The following MAP2K5 variants were observed in gnomAD, a reference collection of about 807,000 sequenced individuals.
The protein encoded by MAP2K5 is dual specificity mitogen-activated protein kinase kinase 5.
MAP2K5 carries 49 observed loss-of-function variants against 83.1 expected under a neutral mutation model. The observed-to-expected ratio is 0.59, with a 90% CI of 0.47 to 0.75. MAP2K5 has a LOEUF of 0.75. MAP2K5 is among the 30% of genes least tolerant of loss of function. MAP2K5 has a pLI of 0.00. For missense variants in MAP2K5, 457 were observed against 557.5 expected, an observed-to-expected ratio of 0.82 and a Z score of 1.82; for synonymous variants, 202 against 191.8, an observed-to-expected ratio of 1.05 and a Z score of -0.44.
chr15:67,789,353 C>G (rs1049299488), intron 21 of MAP2K5, among the ~76,000 whole-genome samples: 1 of 152,018 alleles, frequency 6.6e-6, no homozygotes, highest in East Asian at 1.9e-4. Context: ...AGAATGTTAG[C>G]TCTTCTTCTT....
chr15:67,620,876 A>G (rs2086165527), intron 8 of MAP2K5, among the ~76,000 whole-genome samples: 1 of 152,220 alleles, frequency 6.6e-6, no homozygotes, highest in African/African-American at 2.4e-5. Context: ...TAAAGGGAGA[A>G]TAATTCAGTA....
At chr15:67,605,230 A>G (rs1041748079) in intron 8 of MAP2K5, among the ~76,000 whole-genome samples, 10 of 151,598 alleles carry the variant, frequency 6.6e-5, no homozygotes, top group Admixed American at 4.6e-4. Context: ...AATTTTCTGT[A>G]TTTTAGTAGG....
intron 19 of MAP2K5, among the ~76,000 whole-genome samples, chr15:67,754,341 A>T (rs1038566116): frequency 1.3e-5 from 2 of 152,338 alleles, no homozygotes; most frequent in South Asian, 4.1e-4. Flanking sequence ...GCTGGATAGG[A>T]TGGGCTTCAG....
rs1351245629 is a variant in MAP2K5, at chr15:67,668,776, C to T, written c.847+4131C>T. ...ATTTAGATTAAGAAAATAAAATTGG[C>T]AATCATTCTGGGGCCATCTTACACA... On this transcript the variant is annotated intron_variant, in intron 13 of 21. Coordinates refer to ENST00000178640, the MANE Select transcript of MAP2K5 (RefSeq NM_145160.3). The surrounding 1 kb of genome is among the most constrained non-coding windows in gnomAD (Gnocchi z 4.0). Among the ~76,000 whole-genome samples the T allele has an allele frequency of 6.6e-6, 1 of 151,698 alleles. No individual in the cohort carries two copies. The highest frequency in any genetic ancestry group is 1.5e-5 in the Non-Finnish European group (1 of 67,950).
rs1260834546 is a variant in MAP2K5, at chr15:67,719,870, C to CT, written c.1045-8043dup. On this transcript the variant is annotated intron_variant, in intron 16 of 21. Transcript: ENST00000178640. The surrounding 1 kb of genome is among the most constrained non-coding windows in gnomAD (Gnocchi z 4.6). Reference sequence around the variant, plus strand: ...TTAATCATGACTAAACTTTATGTCTCTTTAACTCAGAGTCTCTCACGAATT... The same window carrying CT: ...TTAATCATGACTAAACTTTATGTCTCTTTTAACTCAGAGTCTCTCACGAATT... Among the ~76,000 whole-genome samples the CT allele has an allele frequency of 6.6e-6, 1 of 152,146 alleles. No homozygotes were observed. Among genetic ancestry groups the CT allele is most frequent in the Non-Finnish European group, 1.5e-5 (1 of 68,008 alleles).
intron 8 of MAP2K5, among the ~76,000 whole-genome samples, chr15:67,603,165 ACAC>A (rs1216340601): frequency 1.3e-5 from 2 of 152,220 alleles, no homozygotes; most frequent in Non-Finnish European, 2.9e-5. Flanking sequence ...GCAACTGTTA[ACAC>A]CATTCATCCA....
Position 67,749,805 on chromosome 15 carries a change from G to A in MAP2K5, c.1134+1204G>A, listed in dbSNP as rs1008448540. On this transcript the variant is annotated intron_variant, in intron 19 of 21. Transcript: ENST00000178640. This position sits in a 1 kb window ranked among gnomAD's most constrained non-coding sequence, Gnocchi z 4.6. ...TCCTCTATTATCTTAGATTCCAAAA[G>A]CCTACTATCCCCATCAGAATCCTCC... Among the ~76,000 whole-genome samples, 1 of 152,152 alleles carries A rather than the reference G, an allele frequency of 6.6e-6. No homozygotes were observed. Among genetic ancestry groups the A allele is most frequent in the African/African-American group, 2.4e-5 (1 of 41,434 alleles).
At chr15:67,761,032 C>T (rs76456746) in intron 19 of MAP2K5, among the ~76,000 whole-genome samples, 3,671 of 152,058 alleles carry the variant, frequency 0.024, 123 homozygotes, top group African/African-American at 0.079. Flanking sequence ...CCAAACTGGT[C>T]GGCTGGGGTG....
chr15:67,735,568 A>G (rs1384799992), intron 17 of MAP2K5, among the ~76,000 whole-genome samples: 3 of 152,218 alleles, frequency 2.0e-5, no homozygotes, highest in African/African-American at 7.2e-5. Flanking sequence ...GAAGAAAAAC[A>G]TAAAACCAAT....
At position 67,647,316 on chromosome 15, in the gene MAP2K5, C is replaced by G. The variant is rs566731522; in HGVS notation, c.736+847C>G. Among the ~76,000 whole-genome samples the G allele has an allele frequency of 1.5e-4, 23 of 152,282 alleles. 1 individual carries two copies. The South Asian group carries it at 4.8e-3, about 32-fold the overall frequency. On this transcript the variant is annotated intron_variant, in intron 11 of 21. Coordinates refer to ENST00000178640, the MANE Select transcript of MAP2K5 (RefSeq NM_145160.3). ...TAGTAGAATGTCAAAAATTAAAAAT[C>G]TTACAGCCATATAGGTAAGTATGGT...
intron 4 of MAP2K5, among the ~76,000 whole-genome samples, chr15:67,582,657 C>CA (rs71455559): frequency 1.3e-5 from 2 of 151,730 alleles, no homozygotes; most frequent in African/African-American, 4.8e-5. Context: ...CTGTCTCTAC[C>CA]AAAAAAATAC....
intron 8 of MAP2K5, among the ~76,000 whole-genome samples, chr15:67,622,629 C>T (rs2086212993): frequency 6.6e-6 from 1 of 151,812 alleles, no homozygotes; most frequent in African/African-American, 2.4e-5. Flanking sequence ...TACCATGGGC[C>T]AGGACATGTG....
rs1276009181 is a variant in MAP2K5 at position 67,717,403 on chromosome 15, G to GT, written c.1045-10512dup. Among the ~76,000 whole-genome samples the GT allele has an allele frequency of 6.6e-6, 1 of 152,202 alleles. No individual in the cohort carries two copies. The highest frequency in any genetic ancestry group is 1.5e-5 in the Non-Finnish European group (1 of 68,040). ...GTAAATATTTATCAAGTACTACCCA[G>GT]TGTTGGCAGTAAGGGTACATACTTT... On this transcript the variant is annotated intron_variant, in intron 16 of 21. Coordinates refer to ENST00000178640, the MANE Select transcript of MAP2K5 (RefSeq NM_145160.3). The surrounding 1 kb of genome is among the most constrained non-coding windows in gnomAD (Gnocchi z 4.1).
rs1018546672 is a variant in MAP2K5, at chr15:67,779,025, T to C, written c.1242+6273T>C. Reference sequence around the variant, plus strand: ...CCAGACTCCTAATGTGTCTGGCCACTCATTCTTGTAAACATCATTTTGTTT... The same window carrying C: ...CCAGACTCCTAATGTGTCTGGCCACCCATTCTTGTAAACATCATTTTGTTT... On this transcript the variant is annotated intron_variant, in intron 21 of 21. Coordinates refer to ENST00000178640, the MANE Select transcript of MAP2K5 (RefSeq NM_145160.3). The surrounding 1 kb of genome is among the most constrained non-coding windows in gnomAD (Gnocchi z 4.6). Among the ~76,000 whole-genome samples, 2 of 152,264 alleles carry C rather than the reference T, an allele frequency of 1.3e-5. No homozygotes were observed. The highest frequency in any genetic ancestry group is 1.5e-5 in the Non-Finnish European group (1 of 68,046).
At chr15:67,581,589 A>G (rs895432420) in intron 4 of MAP2K5, among the ~76,000 whole-genome samples, 7 of 152,216 alleles carry the variant, frequency 4.6e-5, no homozygotes, top group Non-Finnish European at 1.0e-4. Flanking sequence ...TCTCTAAGTA[A>G]CCCTTCTAGA....
rs755471825 is a variant in MAP2K5, at chr15:67,543,506, G to A, written c.135+36G>A. On this transcript the variant is annotated intron_variant, in intron 1 of 21. Coordinates refer to ENST00000178640, the MANE Select transcript of MAP2K5 (RefSeq NM_145160.3). This position sits in a 1 kb window ranked among gnomAD's most constrained non-coding sequence, Gnocchi z 4.3. ...ATCTCAGTGTCCGGATGCCAGCAAG[G>A]GGGACTCAGGGACTTGAGTAGTCAG... is the stretch of plus-strand genomic sequence containing the variant. 1.2e-6 allele frequency: 2 copies of A among 1,612,930 alleles called. No homozygotes were observed. The highest frequency in any genetic ancestry group is 2.2e-5 in the South Asian group (2 of 91,006).
intron 2 of MAP2K5, among the ~76,000 whole-genome samples, chr15:67,557,137 G>C (rs1039236787): frequency 6.6e-6 from 1 of 152,148 alleles, no homozygotes; most frequent in Non-Finnish European, 1.5e-5. Context: ...AGATTAATGA[G>C]TACACCAACA....
At chr15:67,599,604 T>C (rs961027466) in intron 7 of MAP2K5, among the ~76,000 whole-genome samples, 9 of 152,178 alleles carry the variant, frequency 5.9e-5, no homozygotes, top group African/African-American at 9.7e-5. Flanking sequence ...GAGAGCAAAC[T>C]ATTTTTTTTC....
At chr15:67,699,970 TAAA>T (rs5813453) in intron 15 of MAP2K5, among the ~76,000 whole-genome samples, 4 of 140,902 alleles carry the variant, frequency 2.8e-5, no homozygotes, top group Admixed American at 1.4e-4. Flanking sequence ...CTTGCCAATG[TAAA>T]AAAAAAAAAA....
Sources: gnomAD v4.1 joint callset for allele counts (sites outside exome capture counted in the v4.1 genomes callset) on GRCh38, gnomAD v4.1.1 for gene constraint, Gnocchi (gnomAD v3.1) non-coding constraint, MANE v1.5 for transcripts, NCBI Gene and HGNC (gene_info 2026-07-23, HGNC 2026-07-21) for gene names.